ETS1: variants seen among roughly 807,000 people sequenced by gnomAD.
The protein encoded by ETS1 is ETS proto-oncogene 1, transcription factor.
In ETS1, 15 loss-of-function variants were observed where a neutral mutation model predicts 58.6. The observed-to-expected ratio is 0.26, with a 90% CI of 0.17 to 0.39. The LOEUF is 0.39. Among genes scored for constraint, ETS1 ranks in the 10% least tolerant of loss-of-function variants. ETS1 has a pLI of 1.00. For synonymous variants in ETS1, 214 were observed against 218.2 expected, an observed-to-expected ratio of 0.98 and a Z score of 0.17; for missense variants, 417 against 610.5, an observed-to-expected ratio of 0.68 and a Z score of 3.34.
chr11:128,501,643 G>T (rs182984471), intron 3 of ETS1, among the ~76,000 whole-genome samples: 1 of 152,270 alleles, frequency 6.6e-6, no homozygotes, highest in African/African-American at 2.4e-5. Context: ...AAGGCAACCA[G>T]CAAGTACTGA....
chr11:128,499,913 G>C (rs1030353384), intron 3 of ETS1, among the ~76,000 whole-genome samples: 2 of 152,212 alleles, frequency 1.3e-5, no homozygotes, highest in African/African-American at 4.8e-5. Flanking sequence ...CAAACAAATG[G>C]AGTAGAGCCC....
At chr11:128,540,405 AACAGAACTGT>A (rs928513820) in intron 3 of ETS1, among the ~76,000 whole-genome samples, 2 of 152,136 alleles carry the variant, frequency 1.3e-5, no homozygotes, top group African/African-American at 4.8e-5. Context: ...AAATACACTA[AACAGAACTGT>A]ACACTTTAAA....
intron 3 of ETS1, among the ~76,000 whole-genome samples, chr11:128,496,982 T>C (rs1333714431): frequency 6.6e-6 from 1 of 152,182 alleles, no homozygotes; most frequent in Non-Finnish European, 1.5e-5. Flanking sequence ...GTGCCCATGC[T>C]GAGGCCACCC....
intron 7 of ETS1, among the ~76,000 whole-genome samples, chr11:128,483,824 A>G (rs538805355): frequency 2.0e-5 from 3 of 152,342 alleles, no homozygotes. Flanking sequence ...AGCAGAAATC[A>G]CTAATAGGCC....
chr11:128,461,090 C>CT lies in ETS1; in HGVS notation c.*1270dup, dbSNP rs907492955. On this transcript the variant is annotated 3_prime_UTR_variant, in exon 10 of 10. Transcript: ENST00000392668. ...TCAACTTAGGTCGTGTCTCAAGTTA[C>CT]TTTTTCACTCACCAATCAGAAAGCC... is the stretch of plus-strand genomic sequence containing the variant. 2 of 152,644 alleles carry CT rather than the reference C, an allele frequency of 1.3e-5. No homozygotes were observed. Among genetic ancestry groups the CT allele is most frequent in the South Asian group, 4.1e-4 (2 of 4,834 alleles). The allele number at this position is 152,644 out of a possible 1,614,324, so 9.5% of individuals were successfully genotyped here.
intron 2 of ETS1, among the ~76,000 whole-genome samples, chr11:128,556,912 A>G (rs1864321941): frequency 6.6e-6 from 1 of 152,234 alleles, no homozygotes; most frequent in Non-Finnish European, 1.5e-5. Context: ...TTTTTGGTTA[A>G]TCAGTGTGTA....
At chr11:128,548,779 C>T (rs1251784166) in intron 3 of ETS1, among the ~76,000 whole-genome samples, 1 of 152,232 alleles carries the variant, frequency 6.6e-6, no homozygotes, top group Non-Finnish European at 1.5e-5. Context: ...GCTTCGCCTG[C>T]GCCCGCGTTG....
intron 3 of ETS1, among the ~76,000 whole-genome samples, chr11:128,515,343 T>A (rs1863495960): frequency 6.6e-6 from 1 of 152,054 alleles, no homozygotes. Context: ...AATAAATGGC[T>A]TATCACAGCT....
intron 1 of ETS1, among the ~76,000 whole-genome samples, chr11:128,581,048 TAGA>T (rs1864860970): frequency 6.6e-6 from 1 of 152,178 alleles, no homozygotes; most frequent in Non-Finnish European, 1.5e-5. Context: ...AGAGAAAGAC[TAGA>T]AGATGTTTTA....
chr11:128,558,649 CAAAAAAAAAAAAAAAAAAAAAA>C (rs201114905), intron 2 of ETS1, among the ~76,000 whole-genome samples: 5 of 103,408 alleles, frequency 4.8e-5, no homozygotes, highest in Admixed American at 2.1e-4. Context: ...ATATCCATCC[CAAAAAAAAAAAAAAAAAAAAAA>C]AAAAAAAAAA....
chr11:128,487,191 A>C (rs1265135886), intron 5 of ETS1, among the ~76,000 whole-genome samples: 1 of 152,212 alleles, frequency 6.6e-6, no homozygotes, highest in Non-Finnish European at 1.5e-5. Flanking sequence ...CTCAGCACAA[A>C]CATCATGCTC....
rs1426206638 is a variant in ETS1 at position 128,549,414 on chromosome 11, G to A, written c.214+6877C>T. 6.6e-6 allele frequency among the ~76,000 whole-genome samples: 1 copy of A among 152,222 alleles called. No individual in the cohort carries two copies. The highest frequency in any genetic ancestry group is 1.5e-5 in the Non-Finnish European group (1 of 68,034). On this transcript the variant is annotated intron_variant, in intron 3 of 9. Coordinates refer to ENST00000392668, the MANE Select transcript of ETS1 (RefSeq NM_001143820.2). The surrounding 1 kb of genome is among the most constrained non-coding windows in gnomAD (Gnocchi z 4.3). ...GGCGTCCACCGTCCCACCCCCGTGC[G>A]AGGAGTTCCAGGAGAGGGGTCAAAC... is the stretch of plus-strand genomic sequence containing the variant.
chr11:128,566,392 A>G (rs892132283), intron 2 of ETS1, among the ~76,000 whole-genome samples: 1 of 152,238 alleles, frequency 6.6e-6, no homozygotes, highest in Non-Finnish European at 1.5e-5. Flanking sequence ...GAACCGTCAC[A>G]GTGACCTTCC....
At chr11:128,546,729 C>A (rs1178004329) in intron 3 of ETS1, among the ~76,000 whole-genome samples, 2 of 152,064 alleles carry the variant, frequency 1.3e-5, no homozygotes, top group African/African-American at 2.4e-5. Flanking sequence ...GCCAAGTGTA[C>A]ATTGTTTGCA....
intron 1 of ETS1, among the ~76,000 whole-genome samples, chr11:128,583,050 C>G (rs1447986162): frequency 6.6e-6 from 1 of 152,154 alleles, no homozygotes; most frequent in Non-Finnish European, 1.5e-5. Context: ...GATCCTGTTA[C>G]AATGCAGTCT....
At chr11:128,472,480 C>T (rs2135425397) in intron 8 of ETS1, among the ~76,000 whole-genome samples, 1 of 152,304 alleles carries the variant, frequency 6.6e-6, no homozygotes, top group Admixed American at 6.5e-5. Context: ...TTGAGTCCTG[C>T]CACATGGAAA....
chr11:128,484,690 A>C, intron 7 of ETS1, 133 bp downstream of exon 7: 1 of 785,290 alleles, frequency 1.3e-6, no homozygotes, highest in South Asian at 1.9e-5. Context: ...TGGACACTCT[A>C]AGATGGGAAG....
chr11:128,467,303 G>A (rs757031711), intron 8 of ETS1, among the ~76,000 whole-genome samples: 8 of 152,156 alleles, frequency 5.3e-5, no homozygotes, highest in Non-Finnish European at 1.0e-4. Flanking sequence ...TCTGGGGTTG[G>A]AAGGCACACT....
rs533828332 is a variant in ETS1, at chr11:128,469,906, C to T, written c.1124-6279G>A. 1.9e-4 allele frequency among the ~76,000 whole-genome samples: 29 copies of T among 152,312 alleles called. No homozygotes were observed. In the South Asian group the frequency reaches 5.4e-3, roughly 28 times the overall value. On this transcript the variant is annotated intron_variant, in intron 8 of 9. Transcript: ENST00000392668. ...TATAACATTCTATAACTGGCCAATA[C>T]GGCCGTGGTTTAAAGACTCACTCTG...
Sources: gnomAD v4.1 joint callset for allele counts (sites outside exome capture counted in the v4.1 genomes callset) on GRCh38, gnomAD v4.1.1 for gene constraint, Gnocchi (gnomAD v3.1) non-coding constraint, MANE v1.5 for transcripts, NCBI Gene and HGNC (gene_info 2026-07-23, HGNC 2026-07-21) for gene names.